Variants in ZNF318 observed in about 807,000 individuals in gnomAD.
The protein encoded by ZNF318 is endocrine regulator.
A neutral mutation model predicts 124.2 loss-of-function variants in ZNF318; 51 were observed. The observed-to-expected ratio is 0.41, with a 90% CI of 0.33 to 0.52. The LOEUF (loss-of-function observed/expected upper bound fraction) is 0.52, where lower values mean the gene tolerates loss of function less well. Ranked by LOEUF, ZNF318 falls within the 20% of genes least tolerant of loss-of-function variation. The probability of loss-of-function intolerance (pLI) is 0.23; values close to 1 mark genes in which losing one functional copy is unlikely to be tolerated. For missense variants in ZNF318, 2,815 were observed against 2,811.2 expected (o/e 1.00, Z -0.03); for synonymous variants, 1,090 against 1,040.7 (o/e 1.05, Z -0.91).
At chr6:43,346,039 A>G (rs1482990722) in intron 6 of ZNF318, among the ~76,000 whole-genome samples, 1 of 151,680 alleles carries the variant, frequency 6.6e-6, no homozygotes, top group Admixed American at 6.6e-5. Context: ...CGTCTCTACT[A>G]AAAATACAAA....
In ZNF318 at chr6:43,369,086, G is replaced by C; in HGVS notation, c.280C>G (p.Arg94Gly). 7.9e-7 allele frequency: 1 copy of C among 1,270,514 alleles called. No homozygotes were observed. The highest frequency in any genetic ancestry group is 2.7e-5 in the South Asian group (1 of 37,474). 78.7% of individuals were successfully genotyped at this position (1,270,514 alleles called of 1,614,324 possible). A position where few individuals can be genotyped will look rare whatever the true frequency, so the allele number is the denominator to read the frequency against. The change falls in exon 1 of 10, where the codon CGG becomes GGG. Residue 94 changes from arginine to glycine, a missense_variant. Transcript: ENST00000361428. ...RARRGSPSPP[R>G]GRRLFPPGPA... ...CCCGGCGGGAAGAGTCGTCGGCCCC[G>C]CGGTGGCGACGGGGAGCCGCGACGG...
intron 8 of ZNF318, 77 bp from the exon 9 acceptor site, chr6:43,340,985 C>A (rs1779367510): frequency 3.7e-6 from 4 of 1,072,922 alleles, no homozygotes; most frequent in Non-Finnish European, 5.8e-6. Flanking sequence ...AATCCCACCA[C>A]CCCTTTGCAG....
In ZNF318 at chr6:43,338,582, T is replaced by C. The variant is rs1487037448; in HGVS notation, c.5416A>G (p.Ile1806Val). The C allele has an allele frequency of 1.1e-5, 18 of 1,614,084 alleles. No homozygotes were observed. The highest frequency in any genetic ancestry group is 1.5e-5 in the Non-Finnish European group (18 of 1,180,036). Reference protein sequence around the residue: ...GVSTSIGPHSIDDSNLNHGNR... With the variant: ...GVSTSIGPHSVDDSNLNHGNR... ...CCATGGTTCAAATTAGAATCATCTA[T>C]GCTGTGGGGTCCAATGCTGGTACTT... Residue 1806 changes from isoleucine to valine, a missense_variant, in exon 10 of 10, where the codon ATA (isoleucine) becomes GTA (valine). Around this residue, in one of 4 missense-constraint regions of ZNF318, gnomAD observed 927 missense variants for 820.6 expected, o/e 1.13. Transcript: ENST00000361428.
chr6:43,343,098 T>A (rs575550171), intron 6 of ZNF318, among the ~76,000 whole-genome samples: 1 of 152,294 alleles, frequency 6.6e-6, no homozygotes, highest in South Asian at 2.1e-4. Context: ...AAGTAAATCA[T>A]AATGGCAATA....
At chr6:43,348,248 T>A (rs573410374) in intron 6 of ZNF318, 76 bp downstream of exon 6, 2 of 1,411,950 alleles carry the variant, frequency 1.4e-6, no homozygotes, top group South Asian at 2.8e-5. Context: ...AAAACCTAAG[T>A]TAAGAAAATG....
chr6:43,355,646 A>G lies in ZNF318; in HGVS notation c.1688T>C (p.Met563Thr). 1.2e-6 allele frequency: 2 copies of G among 1,614,184 alleles called. No homozygotes were observed. Among genetic ancestry groups the G allele is most frequent in the South Asian group, 1.1e-5 (1 of 91,084 alleles). ...KPLGSSESEV[M>T]RQKASSLPSS... The stretch of plus-strand genomic sequence containing the variant: ...CGGCAGGGAGCTTGCCTTCTGCCTC[A>G]TAACTTCACTCTCAGAGCTCCCAAG... Residue 563 changes from methionine (M) to threonine (T), a missense_variant, in exon 4 of 10, where the codon ATG (methionine) becomes ACG (threonine). Transcript: ENST00000361428.
chr6:43,356,864 T>C (rs1315321892), intron 3 of ZNF318, among the ~76,000 whole-genome samples: 1 of 152,082 alleles, frequency 6.6e-6, no homozygotes, highest in Non-Finnish European at 1.5e-5. Context: ...CAAAGGATAA[T>C]CCAATTTAAG....
In ZNF318 at chr6:43,356,108, T is replaced by C; in HGVS notation, c.1226A>G (p.Asp409Gly). The change falls in exon 4 of 10, where the codon GAT becomes GGT. Residue 409 changes from aspartate to glycine, a missense_variant. Asp to Gly is a moderately conservative substitution (Grantham distance 94, BLOSUM62 -1). Transcript: ENST00000361428. ...SFSSSTSSSQ[D>G]HPLYSGHPSL... is the part of the protein sequence containing the mutation. ...TGGGTGCCCAGAGTAGAGAGGGTGATCCTGGCTGGAGCTGGTACTGCTGGA... is the reference window on the plus strand; with the variant it reads ...TGGGTGCCCAGAGTAGAGAGGGTGACCCTGGCTGGAGCTGGTACTGCTGGA... 2 of 1,613,986 alleles carry C rather than the reference T, an allele frequency of 1.2e-6. No homozygotes were observed. The highest frequency in any genetic ancestry group is 2.2e-5 in the South Asian group (2 of 91,058).
In ZNF318 at chr6:43,347,395, A is replaced by G. The variant is rs538686954; in HGVS notation, c.3072+929T>C. Among the ~76,000 whole-genome samples, 46 of 152,344 alleles carry G rather than the reference A, an allele frequency of 3.0e-4. 1 individual carries two copies. Among genetic ancestry groups the G allele is most frequent in the Middle Eastern group, 6.8e-3 (2 of 294 alleles). ...TTGGACTTGAATGTCAATGGAGATG[A>G]TAAGGTGCATGGAATCGAGATTTAC... On this transcript the variant is annotated intron_variant, in intron 6 of 9. Transcript: ENST00000361428.
chr6:43,345,038 A>G (rs1281468138), intron 6 of ZNF318, among the ~76,000 whole-genome samples: 1 of 152,046 alleles, frequency 6.6e-6, no homozygotes, highest in Non-Finnish European at 1.5e-5. Flanking sequence ...TGAGCTTAGG[A>G]GTTCGGGACC....
intron 2 of ZNF318, among the ~76,000 whole-genome samples, chr6:43,358,959 C>T (rs1454273388): frequency 6.6e-6 from 1 of 152,170 alleles, no homozygotes; most frequent in Non-Finnish European, 1.5e-5. Context: ...GGGCTCTTGA[C>T]CTTCTATCCC....
chr6:43,357,192 A>G lies in ZNF318; in HGVS notation c.1122T>C (p.Ser374=). The G allele has an allele frequency of 6.2e-7, 1 of 1,614,210 alleles. No individual in the cohort carries two copies. The part of the protein sequence containing the change: ...GYSLHRPEEV[S]VMPKKSILKK... ...TCAAAATGGATTTCTTGGGCATCAC[A>G]GATACTTCCTCAGGCCGATGCAAAG... Residue 374 remains serine, a synonymous_variant, in exon 3 of 10, where the codon TCT becomes TCC. Transcript: ENST00000361428.
rs1396894776 is a variant in ZNF318, at chr6:43,357,703, C to T, written c.611G>A (p.Arg204Gln). The T allele has an allele frequency of 3.7e-6, 6 of 1,610,284 alleles. No individual in the cohort carries two copies. Among genetic ancestry groups the T allele is most frequent in the East Asian group, 2.2e-5 (1 of 44,874 alleles). Reference sequence around the variant, plus strand: ...AGGCCCTTCCTCCTGGGAAATATATCGCTCAAGACCCCGAGAGCACTGGGA... The same window carrying T: ...AGGCCCTTCCTCCTGGGAAATATATTGCTCAAGACCCCGAGAGCACTGGGA... The part of the protein sequence containing the change: ...RSSQCSRGLE[R>Q]YISQEEGPLS... Residue 204 changes from arginine (R) to glutamine (Q), a missense_variant, in exon 3 of 10, where the codon CGA becomes CAA. By Grantham distance (43) the Arg-to-Gln change is conservative. This residue lies in a region of ZNF318 where 1,377 missense variants were observed against 1,353.5 expected (regional missense o/e 1.02). Coordinates refer to ENST00000361428, the MANE Select transcript of ZNF318 (RefSeq NM_014345.3).
At chr6:43,342,954 G>T in intron 6 of ZNF318, 75 bp from the exon 7 acceptor site, 3 of 1,268,418 alleles carry the variant, frequency 2.4e-6, no homozygotes, top group Non-Finnish European at 3.3e-6. Context: ...ATAGTAAGTG[G>T]CCATAATAAT....
chr6:43,342,347 G>A, intron 7 of ZNF318, 136 bp from the exon 8 acceptor site: 1 of 612,540 alleles, frequency 1.6e-6, no homozygotes, highest in Non-Finnish European at 2.7e-6. Flanking sequence ...TCTGCCAACT[G>A]TTTTAATGGA....
intron 6 of ZNF318, 51 bp downstream of exon 6, chr6:43,348,273 G>A (rs1779476175): frequency 2.6e-6 from 4 of 1,513,760 alleles, no homozygotes; most frequent in Non-Finnish European, 3.6e-6. Flanking sequence ...GAAAACCATA[G>A]GAGTCTAAGG....
chr6:43,348,718 T>A, intron 5 of ZNF318, 93 bp from the exon 6 acceptor site: 2 of 1,406,544 alleles, frequency 1.4e-6, no homozygotes, highest in Non-Finnish European at 1.9e-6. Flanking sequence ...GCTTTATGGT[T>A]ACAAAGTCTT....
intron 1 of ZNF318, among the ~76,000 whole-genome samples, chr6:43,368,559 T>G (rs1240115388): frequency 1.3e-5 from 2 of 152,178 alleles, no homozygotes; most frequent in Non-Finnish European, 2.9e-5. Flanking sequence ...AACGGACATT[T>G]CGGCTTTTTC....
chr6:43,364,629 T>C (rs1227074318), intron 2 of ZNF318, among the ~76,000 whole-genome samples: 1 of 152,250 alleles, frequency 6.6e-6, no homozygotes, highest in Non-Finnish European at 1.5e-5. Flanking sequence ...ATCCATACTT[T>C]GACTTTTGTG....
Sources: allele counts gnomAD v4.1 joint callset (sites outside exome capture counted in the v4.1 genomes callset), GRCh38; gene constraint gnomAD v4.1.1; regional missense constraint gnomAD v4.1.1; transcripts MANE v1.5; gene names NCBI Gene and HGNC (gene_info 2026-07-23, HGNC 2026-07-21).